KIAA1328: variants seen among roughly 807,000 people sequenced by gnomAD.
The protein encoded by KIAA1328 is KIAA1328, also known as protein hinderin.
A neutral mutation model predicts 68.1 loss-of-function variants in KIAA1328; 52 were observed. The ratio of observed to expected loss-of-function variants is 0.76; its 90% CI spans 0.61 to 0.96. The LOEUF (loss-of-function observed/expected upper bound fraction) is 0.96. KIAA1328 is among the 40% of genes least tolerant of loss of function. The pLI is 0.00. For missense variants in KIAA1328, 641 were observed against 677.6 expected, an observed-to-expected ratio of 0.95 and a Z score of 0.60; for synonymous variants, 232 against 239.4, an observed-to-expected ratio of 0.97 and a Z score of 0.28.
At chr18:36,845,109 A>G (rs1600956573) in intron 4 of KIAA1328, among the ~76,000 whole-genome samples, 1 of 151,800 alleles carries the variant, frequency 6.6e-6, no homozygotes, top group African/African-American at 2.4e-5. Context: ...ACTCTAAGTC[A>G]TACAATCATG....
chr18:37,183,465 T>A (rs1352373418), intron 9 of KIAA1328, among the ~76,000 whole-genome samples: 4 of 152,172 alleles, frequency 2.6e-5, no homozygotes. Context: ...AGACACATAT[T>A]TGGAAGCCCC....
chr18:37,035,506 A>G (rs2054990986), intron 6 of KIAA1328, among the ~76,000 whole-genome samples: 1 of 152,158 alleles, frequency 6.6e-6, no homozygotes. Context: ...AGTTTTATGG[A>G]TGTGTTTTCC....
At chr18:36,887,307 A>G (rs2048534065) in intron 5 of KIAA1328, among the ~76,000 whole-genome samples, 1 of 152,080 alleles carries the variant, frequency 6.6e-6, no homozygotes, top group African/African-American at 2.4e-5. Context: ...AGGTCCTAGC[A>G]TTTTTTAGAA....
intron 6 of KIAA1328, among the ~76,000 whole-genome samples, chr18:37,042,762 G>A (rs904782032): frequency 1.3e-5 from 2 of 152,014 alleles, no homozygotes; most frequent in African/African-American, 2.4e-5. Context: ...CTTCTTCGAT[G>A]TGCCGATTAA....
At chr18:37,164,124 T>TTA (rs199559701) in intron 8 of KIAA1328, among the ~76,000 whole-genome samples, 1,833 of 152,350 alleles carry the variant, frequency 0.012, 5 homozygotes, top group Non-Finnish European at 0.02. Context: ...TACTTTTTTA[T>TTA]TATATATGTT....
intron 6 of KIAA1328, among the ~76,000 whole-genome samples, chr18:36,989,511 T>A (rs2053081535): frequency 6.6e-6 from 1 of 152,174 alleles, no homozygotes; most frequent in South Asian, 2.1e-4. Context: ...TTTAAAAAAA[T>A]TCTTCTGCTT....
intron 4 of KIAA1328, among the ~76,000 whole-genome samples, chr18:36,884,908 A>G (rs113350889): frequency 1.4e-4 from 21 of 151,766 alleles, no homozygotes; most frequent in African/African-American, 5.1e-4. Context: ...CCTTTTTGGT[A>G]TGATTAAGTT....
intron 1 of KIAA1328, among the ~76,000 whole-genome samples, chr18:36,831,232 G>A (rs1031283390): frequency 1.3e-5 from 2 of 152,138 alleles, no homozygotes; most frequent in African/African-American, 4.8e-5. Context: ...TTAGAGAAAT[G>A]TGATGGAGAG....
At position 37,222,016 on chromosome 18, in the gene KIAA1328, G is replaced by A. The variant is rs775612049; in HGVS notation, c.1524-1G>A. The A allele has an allele frequency of 1.9e-6, 3 of 1,612,524 alleles. No individual in the cohort carries two copies. Among genetic ancestry groups the A allele is most frequent in the South Asian group, 1.1e-5 (1 of 90,806 alleles). On this transcript the variant is annotated splice_acceptor_variant, in intron 9 of 9. Coordinates refer to ENST00000280020, the MANE Select transcript of KIAA1328 (RefSeq NM_020776.3). LOFTEE classifies it high-confidence loss of function. ...TCCTGTCTGGGTTATATGTCTTACA[G>A]GTATGAGACATCTTTGTTGGATTTG...
At chr18:36,980,372 C>T (rs1001890179) in intron 6 of KIAA1328, among the ~76,000 whole-genome samples, 2 of 152,044 alleles carry the variant, frequency 1.3e-5, no homozygotes, top group African/African-American at 2.4e-5. Flanking sequence ...ACTGGTGGGG[C>T]TGGTCAGGGT....
chr18:36,913,355 CAA>C (rs66519428), intron 5 of KIAA1328, among the ~76,000 whole-genome samples: 4 of 111,058 alleles, frequency 3.6e-5, no homozygotes, highest in Non-Finnish European at 5.6e-5. Context: ...CTTGTCTCTA[CAA>C]AAAAAAAAAA....
chr18:36,925,968 T>C (rs1012669115), intron 5 of KIAA1328, among the ~76,000 whole-genome samples: 3 of 152,090 alleles, frequency 2.0e-5, no homozygotes, highest in Non-Finnish European at 4.4e-5. Flanking sequence ...TTTGATTTCT[T>C]CTTTTTTTAG....
chr18:37,177,650 A>T (rs2059620029), intron 9 of KIAA1328, among the ~76,000 whole-genome samples: 1 of 152,062 alleles, frequency 6.6e-6, no homozygotes, highest in Non-Finnish European at 1.5e-5. Context: ...TTTAATGACA[A>T]CACAAAAGCG....
chr18:37,058,034 T>C (rs929081367), intron 6 of KIAA1328, among the ~76,000 whole-genome samples: 4 of 152,194 alleles, frequency 2.6e-5, no homozygotes. Context: ...TATGGATATA[T>C]GTTGCAGGGG....
chr18:37,040,206 G>A (rs1456431947), intron 6 of KIAA1328, among the ~76,000 whole-genome samples: 2 of 152,130 alleles, frequency 1.3e-5, no homozygotes, highest in African/African-American at 4.8e-5. Context: ...TGTAATTATG[G>A]TTAGTAGCAA....
At chr18:36,890,082 C>CT (rs2048630313) in intron 5 of KIAA1328, among the ~76,000 whole-genome samples, 1 of 152,058 alleles carries the variant, frequency 6.6e-6, no homozygotes, top group African/African-American at 2.4e-5. Context: ...TATTATCTCT[C>CT]TGACTAGGGC....
chr18:36,865,126 A>G (rs2047705155), intron 4 of KIAA1328, among the ~76,000 whole-genome samples: 1 of 150,234 alleles, frequency 6.7e-6, no homozygotes, highest in Non-Finnish European at 1.5e-5. Context: ...TATGTCTTAT[A>G]GTAGGAACTT....
At chr18:36,852,104 T>TG (rs1460032557) in intron 4 of KIAA1328, among the ~76,000 whole-genome samples, 3 of 152,188 alleles carry the variant, frequency 2.0e-5, no homozygotes, top group African/African-American at 7.2e-5. Flanking sequence ...TTTCTTTTGT[T>TG]CTTGATTTAG....
At chr18:37,171,561 A>C (rs898859676) in intron 8 of KIAA1328, among the ~76,000 whole-genome samples, 1 of 151,962 alleles carries the variant, frequency 6.6e-6, no homozygotes, top group African/African-American at 2.4e-5. Context: ...TTACTCTCAT[A>C]CCTTCCTTTC....
Sources: gnomAD v4.1 joint callset for allele counts (sites outside exome capture counted in the v4.1 genomes callset) on GRCh38, gnomAD v4.1.1 for gene constraint, MANE v1.5 for transcripts, NCBI Gene and HGNC (gene_info 2026-07-23, HGNC 2026-07-21) for gene names.